Variants in APBB2 observed in about 807,000 individuals in gnomAD.
APBB2 encodes Fe65-like 1.
APBB2 carries 38 observed loss-of-function variants against 82.5 expected under a neutral mutation model. The ratio of observed to expected loss-of-function variants is 0.46; its 90% CI spans 0.36 to 0.60. The LOEUF (loss-of-function observed/expected upper bound fraction) is 0.60. Among genes scored for constraint, APBB2 ranks in the 20% least tolerant of loss-of-function variants. APBB2 has a pLI of 0.00. For missense variants in APBB2, 772 were observed against 972.3 expected, an observed-to-expected ratio of 0.79 and a Z score of 2.74; for synonymous variants, 341 against 368.2, an observed-to-expected ratio of 0.93 and a Z score of 0.85.
intron 2 of APBB2, among the ~76,000 whole-genome samples, chr4:41,128,956 A>C (rs1755194013): frequency 6.6e-6 from 1 of 151,934 alleles, no homozygotes; most frequent in African/African-American, 2.4e-5. Flanking sequence ...GTCAACATTT[A>C]TCTACCCCTA....
chr4:41,108,783 A>G (rs1748144007), intron 2 of APBB2, among the ~76,000 whole-genome samples: 1 of 152,162 alleles, frequency 6.6e-6, no homozygotes, highest in Admixed American at 6.5e-5. Context: ...TGACATGTCT[A>G]AGACAGACAT....
At chr4:41,146,194 C>G (rs1241959275) in intron 1 of APBB2, among the ~76,000 whole-genome samples, 1 of 152,024 alleles carries the variant, frequency 6.6e-6, no homozygotes, top group Non-Finnish European at 1.5e-5. Context: ...GGCATGGTGG[C>G]ACACGCCTCT....
At chr4:40,893,906 G>A (rs766699521) in intron 10 of APBB2, among the ~76,000 whole-genome samples, 4 of 151,990 alleles carry the variant, frequency 2.6e-5, no homozygotes, top group African/African-American at 9.7e-5. Flanking sequence ...CCCAGGAGGC[G>A]GAGGTTGCAG....
intron 1 of APBB2, among the ~76,000 whole-genome samples, chr4:41,166,398 G>A (rs903349461): frequency 2.0e-5 from 3 of 151,568 alleles, no homozygotes; most frequent in Non-Finnish European, 2.9e-5. Context: ...GCAAAATAAC[G>A]AGACCTCATC....
intron 2 of APBB2, among the ~76,000 whole-genome samples, chr4:41,107,270 C>T (rs540622630): frequency 1.8e-4 from 27 of 152,136 alleles, no homozygotes; most frequent in South Asian, 8.3e-4. Flanking sequence ...GAGATCACAC[C>T]GCTGCACTCC....
chr4:40,841,531 C>A (rs1755808338), intron 12 of APBB2, among the ~76,000 whole-genome samples: 1 of 152,096 alleles, frequency 6.6e-6, no homozygotes, highest in South Asian at 2.1e-4. Flanking sequence ...TTCTATCCTT[C>A]TTGTGGTGGA....
chr4:40,896,343 G>C (rs922832275), intron 10 of APBB2, among the ~76,000 whole-genome samples: 1 of 152,216 alleles, frequency 6.6e-6, no homozygotes, highest in Non-Finnish European at 1.5e-5. Context: ...GATTACAGGC[G>C]TAAGCCACCG....
chr4:41,124,683 T>G (rs1753885963), intron 2 of APBB2, among the ~76,000 whole-genome samples: 1 of 152,224 alleles, frequency 6.6e-6, no homozygotes, highest in Non-Finnish European at 1.5e-5. Flanking sequence ...ATGAATCTGC[T>G]GGATATTCTA....
intron 17 of APBB2, 129 bp from the exon 18 acceptor site, chr4:40,816,388 C>T (rs1206525010): frequency 2.1e-6 from 2 of 957,884 alleles, no homozygotes; most frequent in African/African-American, 3.3e-5. Flanking sequence ...AACATAAATC[C>T]AAGAGTTATT....
chr4:40,989,085 C>T (rs1322065294), intron 6 of APBB2, among the ~76,000 whole-genome samples: 2 of 152,070 alleles, frequency 1.3e-5, no homozygotes, highest in Non-Finnish European at 2.9e-5. Flanking sequence ...CTAGAATTTG[C>T]AATGTTCATA....
rs1335758387 is a variant in APBB2 at position 40,875,327 on chromosome 4, A to G, written c.1529+15037T>C. Among the ~76,000 whole-genome samples the G allele has an allele frequency of 2.0e-5, 3 of 152,354 alleles. No homozygotes were observed. In the East Asian group the frequency reaches 5.8e-4, roughly 29 times the overall value. On this transcript the variant is annotated intron_variant, in intron 12 of 17. Coordinates refer to ENST00000508593, the MANE Select transcript of APBB2 (RefSeq NM_004307.2). ...CAAAAGGAGGACAGTGTGTCTTTCA[A>G]TGTCACAGTAGAGCAACACTTAATG... is the stretch of plus-strand genomic sequence containing the variant.
intron 6 of APBB2, among the ~76,000 whole-genome samples, chr4:40,960,168 G>A (rs1445299508): frequency 6.6e-6 from 1 of 152,058 alleles, no homozygotes; most frequent in Non-Finnish European, 1.5e-5. Flanking sequence ...GAGGAGTACA[G>A]AGAAAAACGT....
intron 12 of APBB2, among the ~76,000 whole-genome samples, chr4:40,840,038 G>A (rs940850606): frequency 6.6e-6 from 1 of 152,124 alleles, no homozygotes; most frequent in Non-Finnish European, 1.5e-5. Context: ...TGTACCCAGT[G>A]ACCCTTCCCT....
chr4:41,165,130 G>A (rs1042640192), intron 1 of APBB2, among the ~76,000 whole-genome samples: 10 of 152,178 alleles, frequency 6.6e-5, no homozygotes, highest in African/African-American at 2.2e-4. Context: ...TGAGATGTCC[G>A]CAAGGCACCC....
intron 6 of APBB2, among the ~76,000 whole-genome samples, chr4:41,006,298 T>C (rs189252614): frequency 3.3e-4 from 50 of 152,256 alleles, no homozygotes; most frequent in African/African-American, 1.2e-3. Flanking sequence ...TTTGGAAACA[T>C]CTCACATCTG....
chr4:40,994,938 T>C (rs988580970), intron 6 of APBB2, among the ~76,000 whole-genome samples: 6 of 151,424 alleles, frequency 4.0e-5, no homozygotes, highest in African/African-American at 1.5e-4. Flanking sequence ...AAAGATTGTA[T>C]TGATCAAAAA....
chr4:40,835,569 C>T (rs942461053), intron 12 of APBB2, among the ~76,000 whole-genome samples: 1 of 152,218 alleles, frequency 6.6e-6, no homozygotes, highest in African/African-American at 2.4e-5. Context: ...ATGCATATGC[C>T]CCAGGCACTG....
At chr4:40,880,593 C>T in intron 12 of APBB2, 2 of 985,438 alleles carry the variant, frequency 2.0e-6, no homozygotes, top group Non-Finnish European at 2.4e-6. Flanking sequence ...TCAAATGACT[C>T]TTCTTTTCCT....
chr4:41,101,161 T>G (rs148106439), intron 2 of APBB2, among the ~76,000 whole-genome samples: 2 of 152,184 alleles, frequency 1.3e-5, no homozygotes, highest in Non-Finnish European at 2.9e-5. Context: ...AACACAGAAG[T>G]AGTTGTAAAT....
Sources: allele counts gnomAD v4.1 joint callset (sites outside exome capture counted in the v4.1 genomes callset), GRCh38; gene constraint gnomAD v4.1.1; transcripts MANE v1.5; gene names NCBI Gene and HGNC (gene_info 2026-07-23, HGNC 2026-07-21).